Variants in CCDC73 observed in about 807,000 individuals in gnomAD.
The protein encoded by CCDC73 is coiled-coil domain-containing protein 73.
Under a neutral mutation model 116.5 loss-of-function variants are expected in CCDC73, and 95 were observed. That is an observed-to-expected ratio of 0.82 (90% CI 0.69 to 0.97). The LOEUF is 0.97. Ranked by LOEUF, CCDC73 falls within the 50% of genes least tolerant of loss-of-function variation. CCDC73 has a pLI of 0.00. For missense variants in CCDC73, 1,066 were observed against 1,206.8 expected (o/e 0.88, Z 1.73); for synonymous variants, 398 against 401.3 (o/e 0.99, Z 0.10).
At chr11:32,790,690 T>C (rs1199063050) in intron 1 of CCDC73, among the ~76,000 whole-genome samples, 1 of 152,086 alleles carries the variant, frequency 6.6e-6, no homozygotes, top group Non-Finnish European at 1.5e-5. Flanking sequence ...GGGAGGATTA[T>C]ATATATAAAT....
At chr11:32,606,017 A>AT (rs1405777148) in intron 17 of CCDC73, 1 of 152,152 alleles carries the variant, frequency 6.6e-6, no homozygotes, top group Non-Finnish European at 1.5e-5. Context: ...GGATATATAA[A>AT]AAAAAAAGTA....
the CCDC73 span, among the ~76,000 whole-genome samples, chr11:32,826,660 C>A: frequency 0.57 from 75,957 of 132,282 alleles, 22,077 homozygotes; most frequent in East Asian, 0.85. Flanking sequence ...AAAAAAAAAA[C>A]AAAAAAAAAA....
At chr11:32,829,880 G>A in the CCDC73 span, 2 of 985,426 alleles carry the variant, frequency 2.0e-6, no homozygotes, top group Non-Finnish European at 1.2e-6. Flanking sequence ...CGGCCCCCGG[G>A]AGGTGGGGCG....
At chr11:32,649,754 G>A (rs1470300499) in intron 12 of CCDC73, among the ~76,000 whole-genome samples, 1 of 152,024 alleles carries the variant, frequency 6.6e-6, no homozygotes, top group Admixed American at 6.6e-5. Context: ...TCTTATAAAG[G>A]ACTATCCTTT....
chr11:32,612,748 A>G (rs922935490), intron 16 of CCDC73, among the ~76,000 whole-genome samples: 3 of 149,640 alleles, frequency 2.0e-5, no homozygotes, highest in Admixed American at 6.7e-5. Flanking sequence ...AAAAAATAAT[A>G]AATAAATAAA....
intron 3 of CCDC73, among the ~76,000 whole-genome samples, chr11:32,711,610 C>T (rs994751816): frequency 2.0e-5 from 3 of 152,034 alleles, no homozygotes; most frequent in African/African-American, 4.8e-5. Flanking sequence ...GGGAATCAGG[C>T]AAAAGGCTGG....
chr11:32,758,530 C>A, intron 2 of CCDC73: 3 of 453,384 alleles, frequency 6.6e-6, no homozygotes, highest in East Asian at 1.1e-4. Flanking sequence ...GTGTCCATGA[C>A]AGGATCAAAC....
chr11:32,715,257 A>G (rs942486476), intron 3 of CCDC73, among the ~76,000 whole-genome samples: 22 of 152,100 alleles, frequency 1.4e-4, no homozygotes, highest in African/African-American at 5.3e-4. Flanking sequence ...TGTGAGTCCA[A>G]TTACTAATGG....
At chr11:32,603,066 GATTTTAA>G in intron 17 of CCDC73, 46 bp from the exon 18 acceptor site, 1 of 1,464,724 alleles carries the variant, frequency 6.8e-7, no homozygotes, top group Non-Finnish European at 9.3e-7. Flanking sequence ...TTATACAAAA[GATTTTAA>G]AGAGTCTGTA....
intron 9 of CCDC73, among the ~76,000 whole-genome samples, chr11:32,671,765 C>T (rs1856041451): frequency 6.6e-6 from 1 of 152,188 alleles, no homozygotes; most frequent in South Asian, 2.1e-4. Flanking sequence ...CTTTACCCTT[C>T]TATAACAGTC....
chr11:32,776,989 GTATATATATATATATA>G lies in CCDC73; in HGVS notation c.-15-16747_-15-16732del, dbSNP rs71063758. ...CACACACACATATATATATACACATGTATATATATATATATATATATATATATATATATAATTGAAC... is the reference window on the plus strand; with the variant it reads ...CACACACACATATATATATACACATGTATATATATATATATATAATTGAAC... On this transcript the variant is annotated intron_variant, in intron 1 of 17. Coordinates refer to ENST00000335185, the MANE Select transcript of CCDC73 (RefSeq NM_001008391.4). 2.9e-3 allele frequency among the ~76,000 whole-genome samples: 294 copies of G among 101,140 alleles called. 2 individuals are homozygous for G. Among genetic ancestry groups the G allele is most frequent in the African/African-American group, 9.9e-3 (267 of 27,018 alleles). 66.4% of individuals were successfully genotyped at this position (101,140 alleles called of 152,430 possible). A position where few individuals can be genotyped will look rare whatever the true frequency, so the allele number is the denominator to read the frequency against.
In CCDC73 at chr11:32,602,837, A is replaced by G. The variant is rs371329027; in HGVS notation, c.3214T>C (p.Leu1072=). 95 of 1,600,404 alleles carry G rather than the reference A, an allele frequency of 5.9e-5. No homozygotes were observed. Among genetic ancestry groups the G allele is most frequent in the African/African-American group, 2.7e-4 (20 of 73,770 alleles). The change falls in exon 18 of 18, where the codon TTG becomes CTG. Residue 1072 remains leucine, a synonymous_variant. Coordinates refer to ENST00000335185, the MANE Select transcript of CCDC73 (RefSeq NM_001008391.4). The part of the protein sequence containing the change: ...QPKKRKAEET[L]EKNNRLK ...TATTTTAATCTGTTGTTTTTTTCCA[A>G]CGTCTCTTCTGCTTTTCTTTTCTTT...
intron 2 of CCDC73, among the ~76,000 whole-genome samples, chr11:32,738,246 A>G (rs1270030783): frequency 3.3e-5 from 5 of 152,152 alleles, no homozygotes; most frequent in African/African-American, 1.2e-4. Flanking sequence ...ATCATATGGT[A>G]GCTCTATTTT....
At chr11:32,703,032 C>T (rs1849827177) in intron 3 of CCDC73, 88 bp from the exon 4 acceptor site, 8 of 856,554 alleles carry the variant, frequency 9.3e-6, no homozygotes, top group Non-Finnish European at 1.4e-5. Context: ...AATTTAAAGT[C>T]AACCATACCT....
At chr11:32,665,746 C>G (rs1311407812) in intron 9 of CCDC73, among the ~76,000 whole-genome samples, 4 of 152,112 alleles carry the variant, frequency 2.6e-5, no homozygotes, top group Admixed American at 2.6e-4. Flanking sequence ...GCAGTTTCTT[C>G]CTAGCATCAA....
At chr11:32,652,866 G>C (rs1855838370) in intron 12 of CCDC73, among the ~76,000 whole-genome samples, 1 of 152,122 alleles carries the variant, frequency 6.6e-6, no homozygotes, top group Non-Finnish European at 1.5e-5. Context: ...TGTTGTAACA[G>C]AGTGGATTTT....
chr11:32,732,166 C>A (rs1332387704), intron 2 of CCDC73, among the ~76,000 whole-genome samples: 2 of 152,108 alleles, frequency 1.3e-5, no homozygotes, highest in African/African-American at 4.8e-5. Context: ...GAAAGGGTAT[C>A]AGTGATTGAA....
intron 7 of CCDC73, among the ~76,000 whole-genome samples, chr11:32,678,881 A>AC: frequency 1.4e-5 from 1 of 71,634 alleles, no homozygotes; most frequent in South Asian, 5.2e-4. Context: ...AGGCTCCGTC[A>AC]CAAAAAAAAA....
the CCDC73 span, chr11:32,830,505 TAG>T: frequency 6.6e-7 from 1 of 1,518,802 alleles, no homozygotes. Flanking sequence ...TTGTTTGTTT[TAG>T]TTTGTTTGAC....
Sources: gnomAD v4.1 joint callset for allele counts (sites outside exome capture counted in the v4.1 genomes callset) on GRCh38, gnomAD v4.1.1 for gene constraint, MANE v1.5 for transcripts, NCBI Gene and HGNC (gene_info 2026-07-23, HGNC 2026-07-21) for gene names.